The following TRMT11 variants were observed in gnomAD, a reference collection of about 807,000 sequenced individuals.
The protein encoded by TRMT11 is tRNA (guanine(10)-N(2))-methyltransferase TRMT11.
In TRMT11, 53 loss-of-function variants were observed where a neutral mutation model predicts 62.8. The ratio of observed to expected loss-of-function variants is 0.84; its 90% confidence interval spans 0.68 to 1.06. The LOEUF (loss-of-function observed/expected upper bound fraction) is 1.06. Ranked by LOEUF, TRMT11 falls within the 50% of genes least tolerant of loss-of-function variation. The pLI, the probability that TRMT11 is intolerant of heterozygous loss-of-function variation, is 0.00. For synonymous variants in TRMT11, 188 were observed against 190.3 expected (o/e 0.99, Z 0.10); for missense variants, 556 against 553.4 (o/e 1.00, Z -0.05).
intron 1 of TRMT11, among the ~76,000 whole-genome samples, chr6:125,989,965 A>C (rs1169048228): frequency 6.6e-6 from 1 of 152,118 alleles, no homozygotes; most frequent in Non-Finnish European, 1.5e-5. Context: ...GGAAGTATTC[A>C]TTTAGAGTTA....
the TRMT11 span, among the ~76,000 whole-genome samples, chr6:126,223,127 T>G: frequency 6.6e-6 from 1 of 152,184 alleles, no homozygotes; most frequent in African/African-American, 2.4e-5. Context: ...TTTCTTTTCT[T>G]TAAGAATGGT....
chr6:126,030,996 T>A (rs191785688), intron 12 of TRMT11, among the ~76,000 whole-genome samples: 12 of 152,198 alleles, frequency 7.9e-5, no homozygotes, highest in Non-Finnish European at 1.5e-4. Flanking sequence ...TAGGGAGCGG[T>A]GCAGGAGATG....
intron 3 of TRMT11, 138 bp from the exon 4 acceptor site, chr6:125,997,915 A>ACATT (rs1791823818): frequency 6.7e-6 from 4 of 599,936 alleles, no homozygotes; most frequent in Non-Finnish European, 3.0e-6. Flanking sequence ...TTTATCTAAA[A>ACATT]TAACCGATTC....
At chr6:126,046,591 C>G (rs1776067632) in intron 16 of TRMT11, among the ~76,000 whole-genome samples, 1 of 152,152 alleles carries the variant, frequency 6.6e-6, no homozygotes, top group Admixed American at 6.5e-5. Flanking sequence ...ATGTACCCAT[C>G]TGAATATGCT....
chr6:126,220,111 T>G, the TRMT11 span, among the ~76,000 whole-genome samples: 1 of 152,286 alleles, frequency 6.6e-6, no homozygotes, highest in East Asian at 1.9e-4. Flanking sequence ...GGAAGACGGA[T>G]GATGGAGAAT....
At chr6:126,194,925 A>G (rs1778647414) in intron 1 of TRMT11, among the ~76,000 whole-genome samples, 1 of 152,084 alleles carries the variant, frequency 6.6e-6, no homozygotes, top group Non-Finnish European at 1.5e-5. Context: ...GATCAGCCCG[A>G]GCAACATAGT....
chr6:126,005,106 G>T (rs559216573), intron 7 of TRMT11, among the ~76,000 whole-genome samples: 1 of 152,038 alleles, frequency 6.6e-6, no homozygotes, highest in Non-Finnish European at 1.5e-5. Flanking sequence ...TGATCATCAT[G>T]AATTTATTGA....
At chr6:126,089,882 GCA>G (rs546553451) in intron 17 of TRMT11, among the ~76,000 whole-genome samples, 98 of 152,296 alleles carry the variant, frequency 6.4e-4, no homozygotes, top group Non-Finnish European at 1.2e-3. Flanking sequence ...TGGTGCTAAT[GCA>G]CAGTTTATTT....
intron 17 of TRMT11, among the ~76,000 whole-genome samples, chr6:126,066,888 A>G (rs1458411592): frequency 2.6e-5 from 4 of 151,928 alleles, no homozygotes; most frequent in African/African-American, 2.4e-5. Context: ...TAATGGCTGC[A>G]ATGCTGGGCA....
intron 21 of TRMT11, among the ~76,000 whole-genome samples, chr6:126,131,155 C>T (rs1182823690): frequency 6.6e-6 from 1 of 152,048 alleles, no homozygotes; most frequent in Non-Finnish European, 1.5e-5. Flanking sequence ...AAATCTACCA[C>T]AGAAAGGATA....
At chr6:126,027,882 A>AT (rs998639444) in intron 12 of TRMT11, among the ~76,000 whole-genome samples, 6 of 152,252 alleles carry the variant, frequency 3.9e-5, no homozygotes, top group Admixed American at 1.3e-4. Flanking sequence ...TTATAACAGT[A>AT]TTTTTTTAAA....
chr6:126,050,381 A>C (rs1776181540), intron 16 of TRMT11, among the ~76,000 whole-genome samples: 1 of 151,446 alleles, frequency 6.6e-6, no homozygotes, highest in Non-Finnish European at 1.5e-5. Context: ...GGGACTAAAG[A>C]TTTGAGAATA....
chr6:126,198,409 G>A (rs1778696237), intron 1 of TRMT11, among the ~76,000 whole-genome samples: 1 of 152,144 alleles, frequency 6.6e-6, no homozygotes, highest in South Asian at 2.1e-4. Flanking sequence ...GGGTCTTCAT[G>A]AAAGCTAAGA....
chr6:126,105,783 T>C (rs1297263914), intron 17 of TRMT11, among the ~76,000 whole-genome samples: 2 of 152,114 alleles, frequency 1.3e-5, no homozygotes, highest in Non-Finnish European at 1.5e-5. Context: ...AGCACAACCA[T>C]GTAAAAGAGC....
chr6:126,137,075 C>G (rs1162465441), intron 21 of TRMT11, among the ~76,000 whole-genome samples: 2 of 151,522 alleles, frequency 1.3e-5, no homozygotes, highest in African/African-American at 2.4e-5. Flanking sequence ...TTGGACTTAG[C>G]AAAGATTTTT....
the TRMT11 span, among the ~76,000 whole-genome samples, chr6:126,216,488 C>T: frequency 0.011 from 1,601 of 152,102 alleles, 25 homozygotes; most frequent in African/African-American, 0.034. Flanking sequence ...CAGAATTCTT[C>T]CTGTTATTGA....
intron 17 of TRMT11, among the ~76,000 whole-genome samples, chr6:126,068,881 A>G (rs1277868634): frequency 6.6e-6 from 1 of 152,234 alleles, no homozygotes; most frequent in African/African-American, 2.4e-5. Flanking sequence ...GAGTGACAAT[A>G]TGCCCGGTCT....
the TRMT11 span, among the ~76,000 whole-genome samples, chr6:126,218,387 G>C: frequency 3.2e-4 from 48 of 152,194 alleles, no homozygotes; most frequent in Non-Finnish European, 4.7e-4. Flanking sequence ...TGTACTACCT[G>C]GCCACTGCTG....
At chr6:126,040,057 GATTT>G (rs1775828805), downstream of TRMT11, among the ~76,000 whole-genome samples, 1 of 151,976 alleles carries the variant, frequency 6.6e-6, no homozygotes, top group Non-Finnish European at 1.5e-5. Context: ...ATTCAAGGAT[GATTT>G]ATTTTCAGTT....
Sources: allele counts gnomAD v4.1 joint callset (sites outside exome capture counted in the v4.1 genomes callset), GRCh38; gene constraint gnomAD v4.1.1; transcripts MANE v1.5; gene names NCBI Gene and HGNC (gene_info 2026-07-23, HGNC 2026-07-21).